USH2A: variants seen among roughly 807,000 people sequenced by gnomAD.
USH2A encodes the protein usherin, also known as Usher syndrome 2A (autosomal recessive, mild).
USH2A carries 443 observed loss-of-function variants against 538.9 expected under a neutral mutation model. That is an observed-to-expected ratio of 0.82 (90% CI 0.76 to 0.89). USH2A has a LOEUF of 0.89. Ranked by LOEUF, USH2A falls within the 40% of genes least tolerant of loss-of-function variation. The pLI, the probability that USH2A is intolerant of heterozygous loss-of-function variation, is 0.00. For synonymous variants in USH2A, 2,413 were observed against 2,273.5 expected, an observed-to-expected ratio of 1.06 and a Z score of -1.75; for missense variants, 6,633 against 6,324.8, an observed-to-expected ratio of 1.05 and a Z score of -1.65.
chr1:216,127,977 T>C (rs2033289105), intron 21 of USH2A, among the ~76,000 whole-genome samples: 1 of 152,094 alleles, frequency 6.6e-6, no homozygotes, highest in Non-Finnish European at 1.5e-5. Flanking sequence ...TCTGGAAACT[T>C]TTTGAGAATT....
chr1:216,218,830 G>A (rs2035395730), intron 14 of USH2A, among the ~76,000 whole-genome samples: 1 of 151,958 alleles, frequency 6.6e-6, no homozygotes, highest in Non-Finnish European at 1.5e-5. Flanking sequence ...TTTTAGAGCT[G>A]AAGAAAATTA....
intron 58 of USH2A, 28 bp from the exon 59 acceptor site, chr1:215,743,363 A>C: frequency 8.2e-7 from 1 of 1,226,212 alleles, no homozygotes; most frequent in Non-Finnish European, 1.1e-6. Flanking sequence ...GAGAGAGAAC[A>C]TTAAAAACAT....
chr1:216,298,478 G>A (rs936727342), intron 9 of USH2A, among the ~76,000 whole-genome samples: 1 of 152,110 alleles, frequency 6.6e-6, no homozygotes, highest in Non-Finnish European at 1.5e-5. Context: ...CAAAGACACA[G>A]TCCTGGCTGC....
At chr1:216,169,765 T>C (rs2034243161) in intron 21 of USH2A, among the ~76,000 whole-genome samples, 1 of 152,178 alleles carries the variant, frequency 6.6e-6, no homozygotes, top group Non-Finnish European at 1.5e-5. Flanking sequence ...CCACATACCA[T>C]GTTCTTACTC....
At chr1:216,364,846 C>A in intron 4 of USH2A, 107 bp downstream of exon 4, 1 of 1,429,912 alleles carries the variant, frequency 7.0e-7, no homozygotes, top group East Asian at 2.4e-5. Context: ...TTCAGTAGCC[C>A]TAGAAGATGA....
In USH2A at chr1:215,817,198, G is replaced by A. The variant is rs759157300; in HGVS notation, c.9372-3C>T. The A allele has an allele frequency of 1.2e-6, 2 of 1,611,268 alleles. No individual in the cohort carries two copies. Among genetic ancestry groups the A allele is most frequent in the South Asian group, 1.1e-5 (1 of 91,030 alleles). On this transcript the variant is annotated splice_polypyrimidine_tract_variant and splice_region_variant and intron_variant, in intron 47 of 71. Coordinates refer to ENST00000307340, the MANE Select transcript of USH2A (RefSeq NM_206933.4). ...ACACCCAATCAATTTGAAGAGATCT[G>A]CAACAGAGAGAATAATCAATACTTC...
intron 38 of USH2A, among the ~76,000 whole-genome samples, chr1:215,920,092 A>AAC (rs1666059585): frequency 6.6e-6 from 1 of 151,820 alleles, no homozygotes; most frequent in South Asian, 2.1e-4. Flanking sequence ...TGAGAAAAAA[A>AAC]ATGTACATTT....
At chr1:216,369,943 T>G (rs1006780152) in intron 3 of USH2A, among the ~76,000 whole-genome samples, 1 of 133,338 alleles carries the variant, frequency 7.5e-6, no homozygotes, top group African/African-American at 2.9e-5. Flanking sequence ...AAAAAAAAAG[T>G]ATGTCAGACA....
At chr1:216,365,829 T>G (rs187517397) in intron 3 of USH2A, among the ~76,000 whole-genome samples, 1 of 152,252 alleles carries the variant, frequency 6.6e-6, no homozygotes, top group Non-Finnish European at 1.5e-5. Flanking sequence ...CAAATGGGCA[T>G]GGCTGTGTCC....
At chr1:215,872,359 A>G (rs1664645090) in intron 43 of USH2A, among the ~76,000 whole-genome samples, 1 of 152,224 alleles carries the variant, frequency 6.6e-6, no homozygotes. Context: ...AAAATTGAAG[A>G]GTAATGTTGA....
At chr1:216,322,340 C>T (rs1020486578) in intron 8 of USH2A, among the ~76,000 whole-genome samples, 8 of 152,060 alleles carry the variant, frequency 5.3e-5, no homozygotes, top group South Asian at 4.1e-4. Context: ...CGGTGGCTCA[C>T]GCCTGTAATC....
chr1:216,029,059 A>G (rs1019468285), intron 32 of USH2A, among the ~76,000 whole-genome samples: 3 of 152,004 alleles, frequency 2.0e-5, no homozygotes, highest in Admixed American at 6.6e-5. Context: ...AAAATTTACC[A>G]TTTTGTAGTA....
At position 215,900,331 on chromosome 1, in the gene USH2A, G is replaced by C. The variant is rs1345594690; in HGVS notation, c.7452-114C>G. The C allele has an allele frequency of 5.4e-6, 6 of 1,121,240 alleles. No individual in the cohort carries two copies. The East Asian group carries it at 1.3e-4, about 24-fold the overall frequency. The allele number at this position is 1,121,240 out of a possible 1,614,324, so 69.5% of individuals were successfully genotyped here. A position where few individuals can be genotyped will look rare whatever the true frequency, so the allele number is the denominator to read the frequency against. ...GGATGTCAACATACATTTAAGTATT[G>C]TAATTTTCTGCCATCAAATGAGATC... On this transcript the variant is annotated intron_variant, in intron 39 of 71. Coordinates refer to ENST00000307340, the MANE Select transcript of USH2A (RefSeq NM_206933.4).
chr1:216,053,158 C>T (rs1262053346), intron 30 of USH2A, among the ~76,000 whole-genome samples: 1 of 151,986 alleles, frequency 6.6e-6, no homozygotes, highest in Non-Finnish European at 1.5e-5. Flanking sequence ...GCATACGGGC[C>T]AAGTAGACAA....
At chr1:215,934,478 T>C (rs576979476) in intron 38 of USH2A, 138 bp downstream of exon 38, 2 of 905,844 alleles carry the variant, frequency 2.2e-6, no homozygotes, top group African/African-American at 1.7e-5. Context: ...AAACAACAAC[T>C]ATTAAAAGAA....
At chr1:215,799,453 C>A (rs4363405) in intron 49 of USH2A, among the ~76,000 whole-genome samples, 73,097 of 151,946 alleles carry the variant, frequency 0.48, 18,048 homozygotes, top group Admixed American at 0.6. Context: ...TCTTTTGGAA[C>A]GTAGAGTGGA....
chr1:216,364,355 A>C (rs1269190349), intron 4 of USH2A, among the ~76,000 whole-genome samples: 3 of 152,240 alleles, frequency 2.0e-5, no homozygotes, highest in African/African-American at 7.2e-5. Flanking sequence ...ACACATTGAA[A>C]TTACTTAAAA....
At chr1:216,391,073 T>G (rs939073991) in intron 3 of USH2A, among the ~76,000 whole-genome samples, 3 of 152,190 alleles carry the variant, frequency 2.0e-5, no homozygotes, top group Non-Finnish European at 2.9e-5. Context: ...CTAAGCTCAC[T>G]GTCAAGAATA....
intron 19 of USH2A, chr1:216,194,244 G>C (rs1021523122): frequency 6.6e-6 from 1 of 152,090 alleles, no homozygotes; most frequent in Admixed American, 6.6e-5. Context: ...AGTACTAACA[G>C]TCCACAGCAT....
Sources: allele counts gnomAD v4.1 joint callset (sites outside exome capture counted in the v4.1 genomes callset), GRCh38; gene constraint gnomAD v4.1.1; transcripts MANE v1.5; gene names NCBI Gene and HGNC (gene_info 2026-07-23, HGNC 2026-07-21).